MXD4: variants seen among roughly 807,000 people sequenced by gnomAD.
MXD4 encodes the protein Mad4 homolog.
MXD4 carries 16 observed loss-of-function variants against 24.5 expected under a neutral mutation model. The ratio of observed to expected loss-of-function variants is 0.65; its 90% CI spans 0.44 to 0.99. MXD4 has a LOEUF of 0.99. MXD4 is among the 50% of genes least tolerant of loss of function. The probability of loss-of-function intolerance (pLI) is 0.00; values close to 1 mark genes in which losing one functional copy is unlikely to be tolerated. For missense variants in MXD4, 301 were observed against 301.5 expected, an observed-to-expected ratio of 1.00 and a Z score of 0.01; for synonymous variants, 164 against 134.2, an observed-to-expected ratio of 1.22 and a Z score of -1.54.
At chr4:2,260,134 C>T (rs1020829434) in intron 2 of MXD4, among the ~76,000 whole-genome samples, 4 of 152,188 alleles carry the variant, frequency 2.6e-5, no homozygotes, top group African/African-American at 7.2e-5. Context: ...GCCTCAGGCC[C>T]CGGGGGAGCG....
intron 2 of MXD4, among the ~76,000 whole-genome samples, chr4:2,260,964 CA>C (rs1735528187): frequency 6.6e-6 from 1 of 152,214 alleles, no homozygotes; most frequent in Admixed American, 6.5e-5. Context: ...GTACGCACCC[CA>C]GCTTCAGGGC....
chr4:2,256,952 G>T (rs1460548920), intron 3 of MXD4, among the ~76,000 whole-genome samples: 1 of 152,150 alleles, frequency 6.6e-6, no homozygotes, highest in Non-Finnish European at 1.5e-5. Flanking sequence ...CTTAGGCCTG[G>T]AACAATTCCA....
In MXD4 at chr4:2,251,104, G is replaced by C. The variant is rs36024893; in HGVS notation, c.452C>G (p.Ser151Cys). The C allele has an allele frequency of 1.9e-6, 3 of 1,582,524 alleles. No homozygotes were observed. Among genetic ancestry groups the C allele is most frequent in the Middle Eastern group, 2.0e-4 (1 of 5,032 alleles). ...VRTDSTGSAV[S>C]TDDSEQEVDI... The stretch of plus-strand genomic sequence containing the variant: ...CCCACCTTGCTCTGAGTCGTCCGTG[G>C]AGACAGCAGAGCCCGTGCTATCTGT... The change falls in exon 5 of 6, where the codon TCC (serine) becomes TGC (cysteine). Residue 151 changes from serine (S) to cysteine (C), a missense_variant. Transcript: ENST00000337190.
At position 2,250,610 on chromosome 4, in the gene MXD4, A is replaced by C; in HGVS notation, c.564T>G (p.Ser188Arg). Reference sequence around the variant, plus strand: ...CGAAGCCACTGTCGCCGCCGGTGCCACTCTGCAGGCTGTAGTGGTCGTCCG... The same window carrying C: ...CGAAGCCACTGTCGCCGCCGGTGCCCCTCTGCAGGCTGTAGTGGTCGTCCG... ...SDADDHYSLQ[S>R]GTGGDSGFGP... is the part of the protein sequence containing the mutation. The change falls in exon 6 of 6, where the codon AGT becomes AGG. Residue 188 changes from serine to arginine, a missense_variant. Transcript: ENST00000337190. 1 of 1,612,932 alleles carries C rather than the reference A, an allele frequency of 6.2e-7. No homozygotes were observed. The highest frequency in any genetic ancestry group is 8.5e-7 in the Non-Finnish European group (1 of 1,179,868).
rs781682987 is a variant in MXD4 at position 2,249,556 on chromosome 4, T to C, written c.*988A>G. The C allele has an allele frequency of 3.3e-5, 5 of 152,024 alleles. No homozygotes were observed. Among genetic ancestry groups the C allele is most frequent in the Non-Finnish European group, 7.4e-5 (5 of 67,992 alleles). 9.4% of individuals were successfully genotyped at this position (152,024 alleles called of 1,614,324 possible). On this transcript the variant is annotated 3_prime_UTR_variant, in exon 6 of 6. Coordinates refer to ENST00000337190, the MANE Select transcript of MXD4 (RefSeq NM_006454.3). Reference sequence around the variant, plus strand: ...GCTCCAGGAGCCCTAACCGGGCTGCTGGGCAGTGCAGCATTTTACTTTTTT... The same window carrying C: ...GCTCCAGGAGCCCTAACCGGGCTGCCGGGCAGTGCAGCATTTTACTTTTTT...
chr4:2,258,404 C>A (rs1480731894), intron 2 of MXD4, among the ~76,000 whole-genome samples: 2 of 152,158 alleles, frequency 1.3e-5, no homozygotes, highest in African/African-American at 4.8e-5. Context: ...CGTGGTGAAT[C>A]TGGCTGACAG....
Position 2,250,486 on chromosome 4 carries a change from TG to T in MXD4, c.*57del. On this transcript the variant is annotated 3_prime_UTR_variant, in exon 6 of 6. Transcript: ENST00000337190. ...AGGCTGGCGTCAACTGAAGGAGAAC[TG>T]GAGGGCTGACACGCGTGGCTGGCGG... 6.7e-7 allele frequency: 1 copy of T among 1,485,986 alleles called. No individual in the cohort carries two copies. The allele number at this position is 1,485,986 out of a possible 1,614,324, so 92.1% of individuals were successfully genotyped here.
At chr4:2,258,981 C>G in intron 2 of MXD4, 1 of 455,590 alleles carries the variant, frequency 2.2e-6, no homozygotes, top group Non-Finnish European at 4.4e-6. Flanking sequence ...GGACCTCGCT[C>G]CCAGCTCCAG....
intron 3 of MXD4, among the ~76,000 whole-genome samples, chr4:2,256,043 C>CT (rs1367968591): frequency 6.6e-6 from 1 of 152,230 alleles, no homozygotes; most frequent in Non-Finnish European, 1.5e-5. Flanking sequence ...CAGGGGGCTC[C>CT]TGGGGACCTC....
intron 3 of MXD4, chr4:2,255,285 G>C (rs1735403815): frequency 2.2e-6 from 1 of 455,966 alleles, no homozygotes; most frequent in African/African-American, 2.0e-5. Flanking sequence ...GAGTGCCTGG[G>C]ATGCGGTCTC....
chr4:2,250,744 G>A (rs1735302971), intron 5 of MXD4, 43 bp from the exon 6 acceptor site: 2 of 1,588,796 alleles, frequency 1.3e-6, no homozygotes, highest in African/African-American at 1.3e-5. Context: ...CACTCTGAGG[G>A]TGCCAGCCCA....
intron 2 of MXD4, among the ~76,000 whole-genome samples, chr4:2,261,099 T>TA (rs748004934): frequency 6.6e-6 from 1 of 152,136 alleles, no homozygotes; most frequent in African/African-American, 2.4e-5. Flanking sequence ...GCCTCTGTCT[T>TA]AAAAAAGAGG....
intron 3 of MXD4, 174 bp from the exon 4 acceptor site, chr4:2,252,696 GAGCCCAACACCCAC>G (rs1735349894): frequency 1.8e-6 from 1 of 567,986 alleles, no homozygotes; most frequent in Non-Finnish European, 3.1e-6. Flanking sequence ...CCCCCAGGAG[GAGCCCAACACCCAC>G]AGCCCCCAGA....
At chr4:2,258,477 G>A (rs11248090) in intron 2 of MXD4, among the ~76,000 whole-genome samples, 19,143 of 152,164 alleles carry the variant, frequency 0.13, 1,444 homozygotes, top group East Asian at 0.34. Flanking sequence ...AGGTCCTGGC[G>A]CTGACCCCCA....
intron 4 of MXD4, among the ~76,000 whole-genome samples, chr4:2,251,889 C>T (rs891388248): frequency 6.6e-6 from 1 of 152,246 alleles, no homozygotes; most frequent in Admixed American, 6.5e-5. Flanking sequence ...GGCCCCCAAA[C>T]CAACAGGGCT....
chr4:2,261,076 G>A (rs1204076398), intron 2 of MXD4, among the ~76,000 whole-genome samples: 1 of 152,168 alleles, frequency 6.6e-6, no homozygotes, highest in Non-Finnish European at 1.5e-5. Flanking sequence ...CCCTCCTCCC[G>A]CCCCCTTAAA....
At position 2,261,993 on chromosome 4, in the gene MXD4, G is replaced by T. The variant is rs1735558797; in HGVS notation, c.-13C>A. 7.7e-7 allele frequency: 1 copy of T among 1,296,152 alleles called. No individual in the cohort carries two copies. The highest frequency in any genetic ancestry group is 9.9e-7 in the Non-Finnish European group (1 of 1,014,956). The allele number at this position is 1,296,152 out of a possible 1,614,324, so 80.3% of individuals were successfully genotyped here. A position where few individuals can be genotyped will look rare whatever the true frequency, so the allele number is the denominator to read the frequency against. ...AGTTCAGCTCCATCCTCCCGCCCGCGCCCGTCCGCCCCGGGACGGCGGCGG... is the reference window on the plus strand; with the variant it reads ...AGTTCAGCTCCATCCTCCCGCCCGCTCCCGTCCGCCCCGGGACGGCGGCGG... On this transcript the variant is annotated 5_prime_UTR_variant, in exon 1 of 6. Transcript: ENST00000337190.
In MXD4 at chr4:2,248,615, C is replaced by G. The variant is rs28526072; in HGVS notation, c.*1929G>C. 615 of 152,488 alleles carry G rather than the reference C, an allele frequency of 4.0e-3. 6 individuals carry two copies. The highest frequency in any genetic ancestry group is 0.014 in the African/African-American group (578 of 41,568). The allele number at this position is 152,488 out of a possible 1,614,324, so 9.4% of individuals were successfully genotyped here. ...CAGTGGGGCCGGAAGGAGATGCAGA[C>G]AGGCCTCCTCACAACCACCCGCAAC... On this transcript the variant is annotated 3_prime_UTR_variant, in exon 6 of 6. Transcript: ENST00000337190.
chr4:2,261,423 A>G (rs1735541774), intron 2 of MXD4, among the ~76,000 whole-genome samples: 3 of 152,162 alleles, frequency 2.0e-5, no homozygotes, highest in African/African-American at 7.2e-5. Context: ...AAAAGTCCAG[A>G]ACAACTCGGG....
Sources: gnomAD v4.1 joint callset for allele counts (sites outside exome capture counted in the v4.1 genomes callset) on GRCh38, gnomAD v4.1.1 for gene constraint, MANE v1.5 for transcripts, NCBI Gene and HGNC (gene_info 2026-07-23, HGNC 2026-07-21) for gene names.